FHOD3: variants seen among roughly 807,000 people sequenced by gnomAD.
The protein encoded by FHOD3 is formin homology 2 domain containing 3, also known as FH1/FH2 domain-containing protein 3.
FHOD3 carries 90 observed loss-of-function variants against 173.0 expected under a neutral mutation model. The observed-to-expected ratio is 0.52, with a 90% confidence interval of 0.44 to 0.62. The LOEUF is 0.62. Among genes scored for constraint, FHOD3 ranks in the 20% least tolerant of loss-of-function variants. The probability of loss-of-function intolerance (pLI) is 0.00; values close to 1 mark genes in which losing one functional copy is unlikely to be tolerated. For synonymous variants in FHOD3, 828 were observed against 823.0 expected (o/e 1.01, Z -0.10); for missense variants, 1,945 against 2,034.7 (o/e 0.96, Z 0.85).
At chr18:36,530,266 C>T (rs1158991067) in intron 5 of FHOD3, among the ~76,000 whole-genome samples, 1 of 152,116 alleles carries the variant, frequency 6.6e-6, no homozygotes, top group Non-Finnish European at 1.5e-5. Flanking sequence ...CTTTCCTGAC[C>T]ACTGCTTAAA....
At chr18:36,423,959 T>A (rs2050119012) in intron 3 of FHOD3, among the ~76,000 whole-genome samples, 1 of 152,228 alleles carries the variant, frequency 6.6e-6, no homozygotes, top group African/African-American at 2.4e-5. Flanking sequence ...AATTTGAGCA[T>A]AACGTGGATT....
chr18:36,553,879 T>G (rs2057764227), intron 5 of FHOD3, among the ~76,000 whole-genome samples: 2 of 152,194 alleles, frequency 1.3e-5, no homozygotes, highest in Middle Eastern at 3.4e-3. Context: ...AAGAAACATA[T>G]GAAAAAATGC....
intron 5 of FHOD3, among the ~76,000 whole-genome samples, chr18:36,530,936 T>A (rs2056754606): frequency 1.3e-5 from 2 of 152,156 alleles, no homozygotes; most frequent in African/African-American, 4.8e-5. Flanking sequence ...GACTGGAGAC[T>A]TTGGGCTGGG....
chr18:36,331,956 C>T (rs577089804), intron 1 of FHOD3, among the ~76,000 whole-genome samples: 1 of 152,202 alleles, frequency 6.6e-6, no homozygotes, highest in South Asian at 2.1e-4. Context: ...GAGAGGTGAT[C>T]GCTGGGCTGT....
intron 7 of FHOD3, among the ~76,000 whole-genome samples, chr18:36,595,962 G>A (rs2030289504): frequency 6.6e-6 from 1 of 152,122 alleles, no homozygotes; most frequent in South Asian, 2.1e-4. Flanking sequence ...GTTTAAAGAA[G>A]ACAATAAAAA....
chr18:36,300,572 C>A (rs2091933682), intron 1 of FHOD3, among the ~76,000 whole-genome samples: 1 of 152,182 alleles, frequency 6.6e-6, no homozygotes, highest in Admixed American at 6.5e-5. Context: ...GGGCGTGCTT[C>A]TTCCGGGTCC....
intron 3 of FHOD3, among the ~76,000 whole-genome samples, chr18:36,449,980 G>T (rs1483479258): frequency 6.6e-6 from 1 of 152,092 alleles, no homozygotes; most frequent in Non-Finnish European, 1.5e-5. Flanking sequence ...ACATGAATAA[G>T]TTCTTCAGTG....
chr18:36,574,480 C>A (rs186088198), intron 5 of FHOD3, among the ~76,000 whole-genome samples: 26 of 150,964 alleles, frequency 1.7e-4, no homozygotes, highest in Non-Finnish European at 2.4e-4. Context: ...AGAAATTATT[C>A]TTTAACATAT....
At position 36,680,487 on chromosome 18, in the gene FHOD3, A is replaced by T. The variant is rs578130294; in HGVS notation, c.1836-949A>T. ...ATAAGTGAAGGCCTCAATTGTCCAT[A>T]ACAGATTTTATTCTCCAGAGATCCA... On this transcript the variant is annotated intron_variant, in intron 14 of 28. Coordinates refer to ENST00000590592, the MANE Select transcript of FHOD3 (RefSeq NM_001281740.3). Among the ~76,000 whole-genome samples, 252 of 152,288 alleles carry T rather than the reference A, an allele frequency of 1.7e-3. 1 individual carries two copies. The highest frequency in any genetic ancestry group is 0.01 in the Middle Eastern group (3 of 294).
rs1397365598 is a variant in FHOD3 at position 36,612,017 on chromosome 18, C to T, written c.879C>T (p.Gly293=). 6.2e-7 allele frequency: 1 copy of T among 1,614,140 alleles called. No homozygotes were observed. ...TCGTGGACTGCCTGGAGGAGCTGGG[C>T]ATTGCTGCTGTGTCCCAGAGGCACT... ...YDVVDCLEEL[G]IAAVSQRHLN... Residue 293 remains glycine, a synonymous_variant, in exon 9 of 29, where the codon GGC becomes GGT. Coordinates refer to ENST00000590592, the MANE Select transcript of FHOD3 (RefSeq NM_001281740.3).
At chr18:36,384,086 G>A (rs984203233) in intron 3 of FHOD3, among the ~76,000 whole-genome samples, 1 of 152,148 alleles carries the variant, frequency 6.6e-6, no homozygotes, top group Non-Finnish European at 1.5e-5. Flanking sequence ...ATCAAAAGGG[G>A]ATGATAATAT....
chr18:36,413,621 C>T (rs753093461), intron 3 of FHOD3, among the ~76,000 whole-genome samples: 2 of 152,182 alleles, frequency 1.3e-5, no homozygotes, highest in African/African-American at 4.8e-5. Context: ...TGTTAGGCAG[C>T]CTGGATTTAT....
chr18:36,411,676 G>A (rs1393857371), intron 3 of FHOD3, among the ~76,000 whole-genome samples: 6 of 152,196 alleles, frequency 3.9e-5, no homozygotes, highest in Admixed American at 3.9e-4. Flanking sequence ...AACTGATCCT[G>A]TGGGTTTATC....
chr18:36,773,258 C>G (rs79302805), intron 28 of FHOD3, among the ~76,000 whole-genome samples: 8 of 151,994 alleles, frequency 5.3e-5, no homozygotes, highest in African/African-American at 1.9e-4. Context: ...GTCTGTAAGT[C>G]CCCCCCACAG....
intron 6 of FHOD3, among the ~76,000 whole-genome samples, chr18:36,593,574 C>T (rs1291243865): frequency 1.3e-5 from 2 of 152,164 alleles, no homozygotes; most frequent in African/African-American, 2.4e-5. Flanking sequence ...CCCATGTCCC[C>T]TAACACTGTG....
chr18:36,749,192 T>C (rs2042295687), intron 24 of FHOD3, among the ~76,000 whole-genome samples: 1 of 152,228 alleles, frequency 6.6e-6, no homozygotes, highest in Non-Finnish European at 1.5e-5. Context: ...TTTTAACTTT[T>C]ATTTTAGGTT....
intron 3 of FHOD3, among the ~76,000 whole-genome samples, chr18:36,461,460 T>G (rs544548590): frequency 3.7e-5 from 5 of 136,448 alleles, no homozygotes; most frequent in African/African-American, 8.8e-5. Context: ...TGTGTGTGTG[T>G]TTTTTTTTTT....
chr18:36,335,133 CA>C (rs2045238030), intron 1 of FHOD3, among the ~76,000 whole-genome samples: 1 of 152,132 alleles, frequency 6.6e-6, no homozygotes. Flanking sequence ...GCCACACTGG[CA>C]AAAGAAGAAT....
chr18:36,335,509 A>G (rs2045263241), intron 1 of FHOD3, among the ~76,000 whole-genome samples: 1 of 151,408 alleles, frequency 6.6e-6, no homozygotes, highest in South Asian at 2.1e-4. Flanking sequence ...AAAAAAAAAA[A>G]CTTAAAAAAA....
Sources: gnomAD v4.1 joint callset for allele counts (sites outside exome capture counted in the v4.1 genomes callset) on GRCh38, gnomAD v4.1.1 for gene constraint, MANE v1.5 for transcripts, NCBI Gene and HGNC (gene_info 2026-07-23, HGNC 2026-07-21) for gene names.